DRC1: variants seen among roughly 807,000 people sequenced by gnomAD.
DRC1 encodes the protein dynein regulatory complex subunit 1, also known as dynein regulatory complex protein 1.
Under a neutral mutation model 98.7 loss-of-function variants are expected in DRC1, and 74 were observed. The ratio of observed to expected loss-of-function variants is 0.75; its 90% confidence interval spans 0.62 to 0.91. DRC1 has a LOEUF of 0.91. Ranked by LOEUF, DRC1 falls within the 40% of genes least tolerant of loss-of-function variation. The probability of loss-of-function intolerance (pLI) is 0.00; values close to 1 mark genes in which losing one functional copy is unlikely to be tolerated. For missense variants in DRC1, 875 were observed against 886.0 expected (o/e 0.99, Z 0.16); for synonymous variants, 336 against 334.1 (o/e 1.01, Z -0.06).
At chr2:26,405,238 G>A (rs977701279) in intron 1 of DRC1, among the ~76,000 whole-genome samples, 4 of 152,004 alleles carry the variant, frequency 2.6e-5, no homozygotes, top group African/African-American at 2.4e-5. Context: ...CTGCCCTTTC[G>A]TTTTGCACCA....
intron 8 of DRC1, among the ~76,000 whole-genome samples, chr2:26,441,848 G>A (rs190698221): frequency 1.0e-3 from 156 of 152,286 alleles, no homozygotes; most frequent in African/African-American, 3.6e-3. Context: ...ACCCTTCAAC[G>A]GACCCTGCTG....
At chr2:26,422,279 C>G (rs1188930077) in intron 3 of DRC1, among the ~76,000 whole-genome samples, 4 of 152,230 alleles carry the variant, frequency 2.6e-5, no homozygotes, top group Non-Finnish European at 5.9e-5. Context: ...AGAAGGTCAA[C>G]TGGGCAGTCC....
intron 1 of DRC1, among the ~76,000 whole-genome samples, chr2:26,404,821 T>C (rs11126465): frequency 0.42 from 64,212 of 152,020 alleles, 14,544 homozygotes; most frequent in East Asian, 0.86. Flanking sequence ...GTCCACAGAC[T>C]TGGCAGACCC....
chr2:26,445,185 G>T (rs1663821514), intron 10 of DRC1, among the ~76,000 whole-genome samples: 1 of 152,182 alleles, frequency 6.6e-6, no homozygotes, highest in African/African-American at 2.4e-5. Flanking sequence ...GTACACTATT[G>T]TGTAGTACCT....
chr2:26,438,755 C>G (rs1663638158), intron 7 of DRC1, among the ~76,000 whole-genome samples: 1 of 152,180 alleles, frequency 6.6e-6, no homozygotes, highest in Non-Finnish European at 1.5e-5. Flanking sequence ...GTGATAGCCA[C>G]TTGGAATCAC....
At chr2:26,418,677 ATAATTTATATTATATATAAATTATATT>A (rs1174529663) in intron 2 of DRC1, among the ~76,000 whole-genome samples, 10 of 88,384 alleles carry the variant, frequency 1.1e-4, no homozygotes, top group South Asian at 3.0e-4. Context: ...TAAATTAAAT[ATAATTTATATTATATATAAATTATATT>A]TAATTTATAT....
chr2:26,417,755 C>G (rs116560070), intron 2 of DRC1, among the ~76,000 whole-genome samples: 3 of 152,110 alleles, frequency 2.0e-5, no homozygotes, highest in Non-Finnish European at 4.4e-5. Flanking sequence ...TAATTTGGCT[C>G]AGCAATGTTT....
intron 7 of DRC1, among the ~76,000 whole-genome samples, chr2:26,434,795 G>T (rs972588943): frequency 1.3e-5 from 2 of 151,960 alleles, no homozygotes; most frequent in Admixed American, 1.3e-4. Flanking sequence ...GTAGGCTGAG[G>T]CAGGAGAATG....
chr2:26,416,777 T>TTA (rs1678819852), intron 2 of DRC1, among the ~76,000 whole-genome samples: 1 of 152,250 alleles, frequency 6.6e-6, no homozygotes, highest in Admixed American at 6.5e-5. Context: ...GGTATCTATA[T>TTA]GTCTGTCTGT....
At chr2:26,410,350 C>A (rs1245048385) in intron 1 of DRC1, among the ~76,000 whole-genome samples, 2 of 151,460 alleles carry the variant, frequency 1.3e-5, no homozygotes, top group East Asian at 1.9e-4. Flanking sequence ...CGGCTCACTG[C>A]AACCTCTGCC....
At chr2:26,429,482 A>T in intron 4 of DRC1, 146 bp from the exon 5 acceptor site, 1 of 1,022,820 alleles carries the variant, frequency 9.8e-7, no homozygotes, top group Non-Finnish European at 1.4e-6. Context: ...CTGAGATTAT[A>T]GGTGTGAGCC....
At chr2:26,453,683 A>C in intron 14 of DRC1, 134 bp downstream of exon 14, 1 of 904,810 alleles carries the variant, frequency 1.1e-6, no homozygotes, top group South Asian at 1.7e-5. Context: ...GGGCTATCTG[A>C]AGGCGGGCTG....
At position 26,443,975 on chromosome 2, in the gene DRC1, C is replaced by T. The variant is rs111543168; in HGVS notation, c.1029-247C>T. Among the ~76,000 whole-genome samples, 2,026 of 152,198 alleles carry T rather than the reference C, an allele frequency of 0.013. 14 individuals carry two copies. Among genetic ancestry groups the T allele is most frequent in the Non-Finnish European group, 0.023 (1,563 of 68,016 alleles). ...TCTGTCCACAGTCTTGAGTAGGAGG[C>T]TGCCTCTTGGTGGGAATGGGCTCTG... On this transcript the variant is annotated intron_variant, in intron 8 of 16. Transcript: ENST00000288710.
rs1663967319 is a variant in DRC1 at position 26,450,218 on chromosome 2, T to A, written c.1599+133T>A. On this transcript the variant is annotated intron_variant, in intron 12 of 16. Coordinates refer to ENST00000288710, the MANE Select transcript of DRC1 (RefSeq NM_145038.5). ...CTTCCCCTGCTCCCTGTCACATCCT[T>A]CCCTTAACCTACTCTCCACACAACA... 3.8e-6 allele frequency: 3 copies of A among 779,422 alleles called. No homozygotes were observed. In the South Asian group the frequency reaches 5.0e-5, roughly 13 times the overall value. The allele number at this position is 779,422 out of a possible 1,614,324, so 48.3% of individuals were successfully genotyped here.
chr2:26,423,318 A>G (rs750756915), intron 3 of DRC1, among the ~76,000 whole-genome samples: 30 of 145,784 alleles, frequency 2.1e-4, no homozygotes, highest in Non-Finnish European at 4.1e-4. Flanking sequence ...AAAGTGTCCT[A>G]GCTTGGAAGG....
At chr2:26,430,926 G>A in intron 6 of DRC1, 54 bp downstream of exon 6, 1 of 1,192,856 alleles carries the variant, frequency 8.4e-7, no homozygotes, top group Non-Finnish European at 1.2e-6. Flanking sequence ...GATTTTTATT[G>A]TGACTGAATT....
At chr2:26,449,966 G>C in intron 11 of DRC1, 30 bp from the exon 12 acceptor site, 1 of 1,606,286 alleles carries the variant, frequency 6.2e-7, no homozygotes, top group South Asian at 1.1e-5. Context: ...ACCTGTCCCC[G>C]ACAGGAGATG....
chr2:26,440,815 A>G (rs920174294), intron 8 of DRC1, among the ~76,000 whole-genome samples: 5 of 152,064 alleles, frequency 3.3e-5, no homozygotes, highest in African/African-American at 1.2e-4. Flanking sequence ...CTCATCCCCC[A>G]TCTGCTTTTA....
chr2:26,437,645 A>G, intron 7 of DRC1, among the ~76,000 whole-genome samples: 1 of 152,258 alleles, frequency 6.6e-6, no homozygotes, highest in East Asian at 1.9e-4. Flanking sequence ...TTTCCCTAAG[A>G]GTTGTATATA....
Sources: gnomAD v4.1 joint callset for allele counts (sites outside exome capture counted in the v4.1 genomes callset) on GRCh38, gnomAD v4.1.1 for gene constraint, MANE v1.5 for transcripts, NCBI Gene and HGNC (gene_info 2026-07-23, HGNC 2026-07-21) for gene names.